TTC21B: variants seen among roughly 807,000 people sequenced by gnomAD.
TTC21B encodes the protein tetratricopeptide repeat protein 21B.
A neutral mutation model predicts 175.1 loss-of-function variants in TTC21B; 127 were observed. The ratio of observed to expected loss-of-function variants is 0.73; its 90% confidence interval spans 0.63 to 0.84. TTC21B has a LOEUF of 0.84. TTC21B is among the 40% of genes least tolerant of loss of function. The pLI, the probability that TTC21B is intolerant of heterozygous loss-of-function variation, is 0.00. For missense variants in TTC21B, 1,561 were observed against 1,558.3 expected (o/e 1.00, Z -0.03); for synonymous variants, 524 against 524.5 (o/e 1.00, Z 0.01).
At chr2:165,952,084 T>C (rs1250558930) in intron 1 of TTC21B, among the ~76,000 whole-genome samples, 1 of 152,122 alleles carries the variant, frequency 6.6e-6, no homozygotes, top group Non-Finnish European at 1.5e-5. Context: ...TAACAAGTCA[T>C]CAATGGTACA....
Position 165,930,169 on chromosome 2 carries a change from T to C in TTC21B, c.1087+3A>G, listed in dbSNP as rs768356049. On this transcript the variant is annotated splice_donor_region_variant and intron_variant, in intron 9 of 28. Transcript: ENST00000243344. Reference sequence around the variant, plus strand: ...TAAATATTTATGAAAACAGTTGTCATACCAACTAGGGCAGACACACTAGTC... The same window carrying C: ...TAAATATTTATGAAAACAGTTGTCACACCAACTAGGGCAGACACACTAGTC... The C allele has an allele frequency of 2.5e-6, 4 of 1,612,216 alleles. No individual in the cohort carries two copies. The highest frequency in any genetic ancestry group is 3.4e-6 in the Non-Finnish European group (4 of 1,178,606).
At chr2:165,939,860 T>G (rs578234961) in intron 6 of TTC21B, among the ~76,000 whole-genome samples, 1 of 152,198 alleles carries the variant, frequency 6.6e-6, no homozygotes, top group Non-Finnish European at 1.5e-5. Context: ...ACTCTGGGAC[T>G]AGAGTGCTCT....
At chr2:165,892,963 C>T (rs575418785) in intron 22 of TTC21B, among the ~76,000 whole-genome samples, 1 of 152,242 alleles carries the variant, frequency 6.6e-6, no homozygotes, top group Non-Finnish European at 1.5e-5. Flanking sequence ...CAAACTAATA[C>T]AGGCTGATAG....
rs926036027 is a variant in TTC21B, at chr2:165,945,537, T to G, written c.416A>C (p.Asp139Ala). ...AAAAATAGCTACCTGTTTACTACCA[T>G]CTGATATTTTGATCATTCTGTCAAT... Reference protein sequence around the residue: ...EYIDRMIKISDGSKQGHVLKA... With the variant: ...EYIDRMIKISAGSKQGHVLKA... The change falls in exon 4 of 29, where the codon GAT becomes GCT. Residue 139 changes from aspartate (D) to alanine (A), a missense_variant. Coordinates refer to ENST00000243344, the MANE Select transcript of TTC21B (RefSeq NM_024753.5). The G allele has an allele frequency of 6.2e-7, 1 of 1,613,440 alleles. No homozygotes were observed. Among genetic ancestry groups the G allele is most frequent in the Middle Eastern group, 1.7e-4 (1 of 6,058 alleles).
At chr2:165,919,828 T>C (rs1028603011) in intron 12 of TTC21B, among the ~76,000 whole-genome samples, 3 of 152,210 alleles carry the variant, frequency 2.0e-5, no homozygotes, top group East Asian at 1.9e-4. Flanking sequence ...GTGTCACTTA[T>C]GTTAACAAAG....
At chr2:165,927,267 TAGTTA>T (rs1686696873) in intron 11 of TTC21B, among the ~76,000 whole-genome samples, 1 of 71,114 alleles carries the variant, frequency 1.4e-5, no homozygotes, top group Non-Finnish European at 2.7e-5. Flanking sequence ...TATATCCTAG[TAGTTA>T]TATATATATA....
At chr2:165,924,239 C>T (rs1429361145) in intron 12 of TTC21B, among the ~76,000 whole-genome samples, 1 of 152,150 alleles carries the variant, frequency 6.6e-6, no homozygotes, top group Non-Finnish European at 1.5e-5. Context: ...CCAGTAAGAA[C>T]ACAACCATGG....
intron 6 of TTC21B, among the ~76,000 whole-genome samples, chr2:165,936,504 C>A (rs746042908): frequency 4.6e-5 from 7 of 151,906 alleles, no homozygotes; most frequent in Admixed American, 3.9e-4. Flanking sequence ...GAACGACAAG[C>A]CACAGACTGG....
chr2:165,895,626 A>C (rs1031520360), intron 22 of TTC21B, among the ~76,000 whole-genome samples: 6 of 152,228 alleles, frequency 3.9e-5, no homozygotes, highest in African/African-American at 1.4e-4. Flanking sequence ...AAGAGAAAAC[A>C]GTGTGGAACA....
In TTC21B at chr2:165,898,310, G is replaced by T. The variant is rs528826067; in HGVS notation, c.2950+376C>A. 1.3e-4 allele frequency among the ~76,000 whole-genome samples: 20 copies of T among 152,264 alleles called. No homozygotes were observed. The South Asian group carries it at 3.7e-3, about 28-fold the overall frequency. On this transcript the variant is annotated intron_variant, in intron 22 of 28. Coordinates refer to ENST00000243344, the MANE Select transcript of TTC21B (RefSeq NM_024753.5). ...GGTAAATTTGGTGACAAAGAATGGA[G>T]AAGTTCTCTTCCAGGTACAAATATT...
chr2:165,912,998 T>G (rs1686010753), intron 16 of TTC21B, among the ~76,000 whole-genome samples: 1 of 152,094 alleles, frequency 6.6e-6, no homozygotes, highest in South Asian at 2.1e-4. Context: ...TTTATCCTTC[T>G]GTATAAAGAA....
At chr2:165,911,699 A>G (rs1451705776) in intron 17 of TTC21B, among the ~76,000 whole-genome samples, 1 of 151,038 alleles carries the variant, frequency 6.6e-6, no homozygotes, top group Non-Finnish European at 1.5e-5. Flanking sequence ...GTCTCACTCC[A>G]TCACCCAGGC....
chr2:165,946,167 T>C (rs1314029398), intron 3 of TTC21B, among the ~76,000 whole-genome samples: 2 of 37,826 alleles, frequency 5.3e-5, no homozygotes, highest in African/African-American at 1.6e-4. Context: ...CTACTAAAGA[T>C]ACAAAAAAAA....
At chr2:165,945,186 T>C (rs1258081848) in intron 4 of TTC21B, among the ~76,000 whole-genome samples, 1 of 152,080 alleles carries the variant, frequency 6.6e-6, no homozygotes, top group African/African-American at 2.4e-5. Flanking sequence ...TGGTACCTTG[T>C]ATCTAGAGCT....
At position 165,953,667 on chromosome 2, in the gene TTC21B, A is replaced by ACCCGCTCAC; in HGVS notation, c.21+9_21+17dup. On this transcript the variant is annotated intron_variant, in intron 1 of 28. Transcript: ENST00000243344. Reference sequence around the variant, plus strand: ...CGCCCGCCCGCCCGCTCACCCGCTCACCCGCTCACCCGCTCACCTTCAATT... The same window carrying ACCCGCTCAC: ...CGCCCGCCCGCCCGCTCACCCGCTCACCCGCTCACCCCGCTCACCCGCTCACCTTCAATT... 1 of 1,467,740 alleles carries ACCCGCTCAC rather than the reference A, an allele frequency of 6.8e-7. No individual in the cohort carries two copies. Among genetic ancestry groups the ACCCGCTCAC allele is most frequent in the Non-Finnish European group, 9.2e-7 (1 of 1,085,286 alleles). 90.9% of individuals were successfully genotyped at this position (1,467,740 alleles called of 1,614,324 possible). A position where few individuals can be genotyped will look rare whatever the true frequency, so the allele number is the denominator to read the frequency against.
intron 17 of TTC21B, 139 bp downstream of exon 17, chr2:165,912,375 T>C: frequency 1.3e-6 from 1 of 742,328 alleles, no homozygotes; most frequent in Non-Finnish European, 2.4e-6. Context: ...AGAAGGCCTT[T>C]AACACAAATC....
At position 165,890,935 on chromosome 2, in the gene TTC21B, G is replaced by C. The variant is rs146496725; in HGVS notation, c.3004C>G (p.Leu1002Val). Residue 1002 changes from leucine (L) to valine (V), a missense_variant, in exon 23 of 29, where the codon CTC becomes GTC. Physicochemically the swap from Leu to Val is conservative, Grantham distance 32 (BLOSUM62 1). Coordinates refer to ENST00000243344, the MANE Select transcript of TTC21B (RefSeq NM_024753.5). ...LIDLLRRCGK[L>V]EDVPRFFSMA... Reference sequence around the variant, plus strand: ...GAGAAAAATCTTGGGACATCCTCGAGTTTTCCACATCTTCTTAGGAGATCA... The same window carrying C: ...GAGAAAAATCTTGGGACATCCTCGACTTTTCCACATCTTCTTAGGAGATCA... 12,991 of 1,612,974 alleles carry C rather than the reference G, an allele frequency of 8.1e-3. 74 individuals are homozygous for C. Among genetic ancestry groups the C allele is most frequent in the Non-Finnish European group, 9.9e-3 (11,715 of 1,179,230 alleles).
At chr2:165,935,106 A>T (rs111710966) in intron 6 of TTC21B, among the ~76,000 whole-genome samples, 3,338 of 152,322 alleles carry the variant, frequency 0.022, 130 homozygotes, top group African/African-American at 0.076. Context: ...AGGTCTTAGG[A>T]GATGGCAGGA....
chr2:165,908,825 A>T (rs577542500), intron 18 of TTC21B, among the ~76,000 whole-genome samples: 2 of 152,244 alleles, frequency 1.3e-5, no homozygotes, highest in Admixed American at 6.5e-5. Context: ...CAAACTTTTC[A>T]AAATGTATAT....
Sources: allele counts gnomAD v4.1 joint callset (sites outside exome capture counted in the v4.1 genomes callset), GRCh38; gene constraint gnomAD v4.1.1; transcripts MANE v1.5; gene names NCBI Gene and HGNC (gene_info 2026-07-23, HGNC 2026-07-21).